The following TEC variants were observed in gnomAD, a reference collection of about 807,000 sequenced individuals.
The protein encoded by TEC is tyrosine-protein kinase Tec.
TEC carries 72 observed loss-of-function variants against 93.0 expected under a neutral mutation model. That is an observed-to-expected ratio of 0.77 (90% CI 0.64 to 0.94). The LOEUF is 0.94. TEC is among the 40% of genes least tolerant of loss of function. TEC has a pLI of 0.00. For missense variants in TEC, 630 were observed against 757.9 expected, an observed-to-expected ratio of 0.83 and a Z score of 1.98; for synonymous variants, 249 against 247.7, an observed-to-expected ratio of 1.01 and a Z score of -0.05.
At chr4:48,161,339 C>G (rs968245937) in intron 8 of TEC, among the ~76,000 whole-genome samples, 4 of 152,184 alleles carry the variant, frequency 2.6e-5, no homozygotes, top group Non-Finnish European at 5.9e-5. Context: ...ATTTCTGTCA[C>G]CTTCTCCCTT....
At position 48,225,919 on chromosome 4, in the gene TEC, G is replaced by A. The variant is rs578042512; in HGVS notation, c.138+2558C>T. Among the ~76,000 whole-genome samples, 19 of 152,140 alleles carry A rather than the reference G, an allele frequency of 1.2e-4. No homozygotes were observed. The South Asian group carries it at 3.7e-3, about 30-fold the overall frequency. On this transcript the variant is annotated intron_variant, in intron 2 of 17. Transcript: ENST00000381501. ...TAACAGGACTAGGCTCTCTAGCCCA[G>A]GCAGCAGCAGCCAGAAAGGAGGTGG...
chr4:48,230,985 C>T (rs924459075), intron 1 of TEC, among the ~76,000 whole-genome samples: 5 of 152,178 alleles, frequency 3.3e-5, no homozygotes, highest in Admixed American at 1.3e-4. Context: ...AATTAATGTA[C>T]GTATTTTTAA....
chr4:48,260,144 G>A (rs9291321), intron 1 of TEC, among the ~76,000 whole-genome samples: 2 of 152,016 alleles, frequency 1.3e-5, no homozygotes, highest in Non-Finnish European at 2.9e-5. Flanking sequence ...CCTATAACTG[G>A]GTACATAACA....
intron 2 of TEC, among the ~76,000 whole-genome samples, chr4:48,188,511 CCTT>C (rs1483130385): frequency 6.6e-6 from 1 of 152,110 alleles, no homozygotes; most frequent in African/African-American, 2.4e-5. Flanking sequence ...AAGAAGCAAA[CCTT>C]CTTCCCAGTC....
At chr4:48,157,334 C>T (rs12502528) in intron 8 of TEC, among the ~76,000 whole-genome samples, 48,503 of 151,992 alleles carry the variant, frequency 0.32, 8,606 homozygotes, top group East Asian at 0.68. Flanking sequence ...ACAAAAGAAA[C>T]GGCAAAACAT....
chr4:48,258,423 G>A (rs1724402796), intron 1 of TEC, among the ~76,000 whole-genome samples: 1 of 152,090 alleles, frequency 6.6e-6, no homozygotes, highest in Non-Finnish European at 1.5e-5. Flanking sequence ...GATAACAAGA[G>A]AGCCACTAAG....
chr4:48,208,998 A>T (rs1722806104), intron 2 of TEC, among the ~76,000 whole-genome samples: 2 of 152,152 alleles, frequency 1.3e-5, no homozygotes, highest in Admixed American at 1.3e-4. Context: ...ATGAATTATA[A>T]ATCTAGATTT....
intron 2 of TEC, among the ~76,000 whole-genome samples, chr4:48,199,465 T>C (rs970189591): frequency 7.6e-6 from 1 of 131,658 alleles, no homozygotes; most frequent in Non-Finnish European, 1.6e-5. Flanking sequence ...CTTTTTTTTT[T>C]TTTTTTTTTT....
At chr4:48,236,185 A>T (rs549379111) in intron 1 of TEC, among the ~76,000 whole-genome samples, 84 of 152,348 alleles carry the variant, frequency 5.5e-4, no homozygotes, top group African/African-American at 1.9e-3. Context: ...GAAAGAAAAT[A>T]ATAGGTTTGA....
chr4:48,186,894 G>A (rs1721894544), intron 2 of TEC, among the ~76,000 whole-genome samples: 1 of 152,258 alleles, frequency 6.6e-6, no homozygotes, highest in Non-Finnish European at 1.5e-5. Context: ...GGGAAGTGAG[G>A]AGCCCCTCTG....
intron 1 of TEC, among the ~76,000 whole-genome samples, chr4:48,267,451 T>G (rs1724668119): frequency 6.6e-6 from 1 of 152,266 alleles, no homozygotes; most frequent in Non-Finnish European, 1.5e-5. Context: ...CCCTTCCTTC[T>G]GGGTTGTTTC....
intron 1 of TEC, among the ~76,000 whole-genome samples, chr4:48,258,697 T>C (rs1724410835): frequency 6.6e-6 from 1 of 152,088 alleles, no homozygotes; most frequent in South Asian, 2.1e-4. Context: ...TCCCAACTTA[T>C]TGCTGACTGA....
chr4:48,233,961 A>G (rs1723711302), intron 1 of TEC, among the ~76,000 whole-genome samples: 1 of 152,164 alleles, frequency 6.6e-6, no homozygotes, highest in Non-Finnish European at 1.5e-5. Flanking sequence ...TTTTAGGAAA[A>G]TTTCTTCAAA....
intron 2 of TEC, among the ~76,000 whole-genome samples, chr4:48,180,066 C>T (rs1359640476): frequency 6.6e-6 from 1 of 152,120 alleles, no homozygotes; most frequent in Non-Finnish European, 1.5e-5. Context: ...TTTGGGATGA[C>T]TTGATTTTAC....
chr4:48,193,204 C>G (rs182443689), intron 2 of TEC, among the ~76,000 whole-genome samples: 1 of 151,296 alleles, frequency 6.6e-6, no homozygotes, highest in Non-Finnish European at 1.5e-5. Flanking sequence ...CTACATTGCC[C>G]AGACTGAACT....
intron 1 of TEC, among the ~76,000 whole-genome samples, chr4:48,268,301 C>T (rs972290440): frequency 3.3e-5 from 5 of 152,206 alleles, no homozygotes; most frequent in African/African-American, 1.2e-4. Context: ...AAAGCACTGA[C>T]TGCATGAGTT....
intron 2 of TEC, among the ~76,000 whole-genome samples, chr4:48,222,309 G>T (rs761637712): frequency 3.9e-5 from 6 of 152,126 alleles, no homozygotes; most frequent in Non-Finnish European, 8.8e-5. Flanking sequence ...CAAGTACTTC[G>T]TATCCCAAAC....
At chr4:48,266,213 A>G (rs964970475) in intron 1 of TEC, among the ~76,000 whole-genome samples, 1 of 152,370 alleles carries the variant, frequency 6.6e-6, no homozygotes. Flanking sequence ...AAGCTCCTTT[A>G]GGATGGGCTC....
At chr4:48,254,431 C>G (rs4694891) in intron 1 of TEC, among the ~76,000 whole-genome samples, 116,270 of 152,120 alleles carry the variant, frequency 0.76, 45,244 homozygotes, top group Middle Eastern at 0.9. Context: ...TGAGGAGGCT[C>G]TGGTGTGGGA....
Sources: gnomAD v4.1 joint callset for allele counts (sites outside exome capture counted in the v4.1 genomes callset) on GRCh38, gnomAD v4.1.1 for gene constraint, MANE v1.5 for transcripts, NCBI Gene and HGNC (gene_info 2026-07-23, HGNC 2026-07-21) for gene names.